Variants in PLEKHA8 observed in about 807,000 individuals in gnomAD.
PLEKHA8 encodes the protein pleckstrin homology domain-containing family A member 8.
A neutral mutation model predicts 68.2 loss-of-function variants in PLEKHA8; 36 were observed. The observed-to-expected ratio is 0.53, with a 90% CI of 0.40 to 0.70. PLEKHA8 has a LOEUF of 0.70. Among genes scored for constraint, PLEKHA8 ranks in the 30% least tolerant of loss-of-function variants. The probability of loss-of-function intolerance (pLI) is 0.00; values close to 1 mark genes in which losing one functional copy is unlikely to be tolerated. For synonymous variants in PLEKHA8, 211 were observed against 216.1 expected, an observed-to-expected ratio of 0.98 and a Z score of 0.20; for missense variants, 505 against 615.4, an observed-to-expected ratio of 0.82 and a Z score of 1.90.
At chr7:30,038,267 A>T (rs1791256862) in intron 1 of PLEKHA8, among the ~76,000 whole-genome samples, 1 of 152,174 alleles carries the variant, frequency 6.6e-6, no homozygotes, top group African/African-American at 2.4e-5. Context: ...TGGAACATTC[A>T]CCAAGATAGA....
At chr7:30,098,175 G>A (rs1277435188) in intron 13 of PLEKHA8, among the ~76,000 whole-genome samples, 9 of 152,298 alleles carry the variant, frequency 5.9e-5, no homozygotes, top group Admixed American at 1.3e-4. Flanking sequence ...CTGCCTGATC[G>A]TTCCTCTGGA....
chr7:30,039,961 T>C (rs183395099), intron 1 of PLEKHA8, among the ~76,000 whole-genome samples: 40 of 152,346 alleles, frequency 2.6e-4, no homozygotes, highest in African/African-American at 9.4e-4. Context: ...GTTTCCAATC[T>C]TTGAGGGGAA....
At chr7:30,057,592 G>C (rs1373759949) in intron 9 of PLEKHA8, among the ~76,000 whole-genome samples, 1 of 151,896 alleles carries the variant, frequency 6.6e-6, no homozygotes, top group Non-Finnish European at 1.5e-5. Context: ...CAAGTAGCTG[G>C]GGTTACAGGC....
chr7:30,062,739 C>G lies in PLEKHA8; in HGVS notation c.1297C>G (p.Leu433Val), dbSNP rs375941579. The part of the protein sequence containing the change: ...KNGEKDIQTA[L>V]NNAYGKTLRQ... Reference sequence around the variant, plus strand: ...TGGGGAGAAGGATATCCAGACAGCCCTAAGTAAGTGTTCTTTATGTTTTGT... The same window carrying G: ...TGGGGAGAAGGATATCCAGACAGCCGTAAGTAAGTGTTCTTTATGTTTTGT... The change falls in exon 12 of 14, where the codon CTA becomes GTA. Residue 433 changes from leucine (L) to valine (V), a missense_variant. Transcript: ENST00000449726. 12 of 1,611,874 alleles carry G rather than the reference C, an allele frequency of 7.4e-6. No individual in the cohort carries two copies. Among genetic ancestry groups the G allele is most frequent in the African/African-American group, 1.3e-5 (1 of 74,920 alleles).
Position 30,062,564 on chromosome 7 carries a change from C to T in PLEKHA8, c.1230-108C>T, listed in dbSNP as rs1015701427. 3 of 780,472 alleles carry T rather than the reference C, an allele frequency of 3.8e-6. No homozygotes were observed. In the East Asian group the frequency reaches 8.0e-5, roughly 21 times the overall value. 48.3% of individuals were successfully genotyped at this position (780,472 alleles called of 1,614,324 possible). A position where few individuals can be genotyped will look rare whatever the true frequency, so the allele number is the denominator to read the frequency against. ...GCCATATGATTTGACCTATTCACTG[C>T]TGTGCCTAAGATGTTACTGAAATGG... On this transcript the variant is annotated intron_variant, in intron 11 of 13. Transcript: ENST00000449726.
chr7:30,094,496 G>A (rs1049676106), downstream of PLEKHA8, among the ~76,000 whole-genome samples: 2 of 151,358 alleles, frequency 1.3e-5, no homozygotes, highest in Non-Finnish European at 1.5e-5. Flanking sequence ...GGCTGGTCTC[G>A]AACTCCTTTT....
At chr7:30,111,317 A>G (rs888189539) in intron 13 of PLEKHA8, among the ~76,000 whole-genome samples, 1 of 152,198 alleles carries the variant, frequency 6.6e-6, no homozygotes, top group African/African-American at 2.4e-5. Context: ...TCAATTGACT[A>G]TTAATATTAG....
At chr7:30,116,246 A>G (rs924114027) in intron 13 of PLEKHA8, among the ~76,000 whole-genome samples, 17 of 141,288 alleles carry the variant, frequency 1.2e-4, no homozygotes, top group African/African-American at 5.2e-4. Flanking sequence ...ATGCGTATAC[A>G]TGTACACGTA....
chr7:30,090,092 G>C, intron 12 of PLEKHA8: 1 of 1,498,656 alleles, frequency 6.7e-7, no homozygotes, highest in South Asian at 1.3e-5. Context: ...ATAAAATACA[G>C]AAGATTTTTC....
At chr7:30,087,905 A>G (rs1275509322), downstream of PLEKHA8, among the ~76,000 whole-genome samples, 2 of 152,208 alleles carry the variant, frequency 1.3e-5, no homozygotes, top group East Asian at 3.8e-4. Context: ...AGGTAACTGG[A>G]CTAATTCTTT....
chr7:30,034,164 A>G (rs949226203), intron 1 of PLEKHA8, among the ~76,000 whole-genome samples: 1 of 151,422 alleles, frequency 6.6e-6, no homozygotes, highest in Non-Finnish European at 1.5e-5. Flanking sequence ...GTGTGCCACC[A>G]TGCCTGGCTA....
chr7:30,038,675 A>G (rs920802291), intron 1 of PLEKHA8, among the ~76,000 whole-genome samples: 1 of 152,204 alleles, frequency 6.6e-6, no homozygotes, highest in African/African-American at 2.4e-5. Flanking sequence ...TATTTTATGT[A>G]ATTTTTAAAA....
At chr7:30,121,153 C>A (rs1018773152) in intron 13 of PLEKHA8, among the ~76,000 whole-genome samples, 1 of 152,118 alleles carries the variant, frequency 6.6e-6, no homozygotes, top group Non-Finnish European at 1.5e-5. Context: ...AAATAGGTAT[C>A]TTTTTCTCTT....
Position 30,081,264 on chromosome 7 carries a change from AT to A in PLEKHA8, c.*2481del, listed in dbSNP as rs1208349824. 4.1e-6 allele frequency: 4 copies of A among 985,226 alleles called. No homozygotes were observed. In the African/African-American group the frequency reaches 7.0e-5, roughly 17 times the overall value. 61.0% of individuals were successfully genotyped at this position (985,226 alleles called of 1,614,324 possible). On this transcript the variant is annotated 3_prime_UTR_variant, in exon 14 of 14. Transcript: ENST00000449726. The stretch of plus-strand genomic sequence containing the variant: ...AAGAGGGTAATATTTTTTAATAGGT[AT>A]TTTCCCCACTGGAGCATATTACGTT...
At chr7:30,044,012 C>T (rs546258840) in intron 1 of PLEKHA8, among the ~76,000 whole-genome samples, 8 of 151,128 alleles carry the variant, frequency 5.3e-5, no homozygotes, top group Non-Finnish European at 5.9e-5. Flanking sequence ...ACAAGGTTTA[C>T]GCAGAGATAG....
At chr7:30,073,854 G>C (rs1282438343) in intron 12 of PLEKHA8, among the ~76,000 whole-genome samples, 1 of 152,004 alleles carries the variant, frequency 6.6e-6, no homozygotes, top group Admixed American at 6.5e-5. Flanking sequence ...GCTAGGCATG[G>C]TCATCCACAC....
At chr7:30,061,819 AC>A (rs1422220408) in intron 10 of PLEKHA8, 77 bp from the exon 11 acceptor site, 2 of 1,535,182 alleles carry the variant, frequency 1.3e-6, no homozygotes, top group African/African-American at 1.4e-5. Context: ...TGCCAAACTT[AC>A]AAGTCTCCAG....
chr7:30,083,190 C>T lies in PLEKHA8; in HGVS notation c.*4403C>T. Reference sequence around the variant, plus strand: ...TCTTTGTGATCTTGTAAGGGCTCTACACAAACTTCATTATGTATGGTAAAT... The same window carrying T: ...TCTTTGTGATCTTGTAAGGGCTCTATACAAACTTCATTATGTATGGTAAAT... On this transcript the variant is annotated 3_prime_UTR_variant, in exon 14 of 14. Transcript: ENST00000449726. The T allele has an allele frequency of 1.0e-6, 1 of 983,774 alleles. No homozygotes were observed. Among genetic ancestry groups the T allele is most frequent in the Non-Finnish European group, 1.2e-6 (1 of 828,516 alleles). The allele number at this position is 983,774 out of a possible 1,614,324, so 60.9% of individuals were successfully genotyped here.
chr7:30,121,141 A>G (rs545466815), intron 13 of PLEKHA8, among the ~76,000 whole-genome samples: 18 of 152,324 alleles, frequency 1.2e-4, no homozygotes, highest in African/African-American at 3.6e-4. Context: ...TTCCACGTGA[A>G]AAAATAGGTA....
Sources: gnomAD v4.1 joint callset for allele counts (sites outside exome capture counted in the v4.1 genomes callset) on GRCh38, gnomAD v4.1.1 for gene constraint, MANE v1.5 for transcripts, NCBI Gene and HGNC (gene_info 2026-07-23, HGNC 2026-07-21) for gene names.